AFG3L2: variants seen among roughly 807,000 people sequenced by gnomAD.
AFG3L2 encodes AFG3 like matrix AAA peptidase subunit 2, also known as mitochondrial inner membrane m-AAA protease component AFG3L2.
A neutral mutation model predicts 94.5 loss-of-function variants in AFG3L2; 54 were observed. The observed-to-expected ratio is 0.57, with a 90% CI of 0.46 to 0.72. The LOEUF is 0.72. Among genes scored for constraint, AFG3L2 ranks in the 30% least tolerant of loss-of-function variants. AFG3L2 has a pLI of 0.00. For missense variants in AFG3L2, 754 were observed against 994.9 expected, an observed-to-expected ratio of 0.76 and a Z score of 3.26; for synonymous variants, 377 against 365.5, an observed-to-expected ratio of 1.03 and a Z score of -0.36.
chr18:12,371,502 A>G (rs961818887), intron 2 of AFG3L2, 90 bp downstream of exon 2: 8 of 974,476 alleles, frequency 8.2e-6, no homozygotes, highest in South Asian at 3.9e-5. Flanking sequence ...GTAATCAGAC[A>G]TAAGTTGGAG....
chr18:12,366,921 T>C (rs1470408616), intron 5 of AFG3L2, 44 bp downstream of exon 5: 1 of 1,610,076 alleles, frequency 6.2e-7, no homozygotes, highest in East Asian at 2.2e-5. Context: ...CTGATGAATT[T>C]CACCTTTGAA....
chr18:12,331,797 G>GTAAATAAATAAATAAA (rs1315384530), intron 16 of AFG3L2, among the ~76,000 whole-genome samples: 1 of 88,466 alleles, frequency 1.1e-5, no homozygotes, highest in African/African-American at 4.0e-5. Flanking sequence ...CTGTCTAAAA[G>GTAAATAAATAAATAAA]TAAATAAATA....
intron 9 of AFG3L2, among the ~76,000 whole-genome samples, chr18:12,353,706 C>CTGTATA (rs1212772064): frequency 1.3e-5 from 2 of 152,094 alleles, no homozygotes; most frequent in Admixed American, 6.6e-5. Context: ...CCATAAATTA[C>CTGTATA]TGTATATGTA....
At chr18:12,373,614 G>GTTTAT (rs1202459903) in intron 1 of AFG3L2, among the ~76,000 whole-genome samples, 1 of 152,178 alleles carries the variant, frequency 6.6e-6, no homozygotes, top group Non-Finnish European at 1.5e-5. Flanking sequence ...ACAAAGAAAG[G>GTTTAT]TTTATTTAGC....
intron 16 of AFG3L2, among the ~76,000 whole-genome samples, chr18:12,332,123 A>T (rs1403770195): frequency 2.3e-5 from 3 of 131,708 alleles, no homozygotes; most frequent in Non-Finnish European, 3.1e-5. Context: ...TCATAAAATG[A>T]TTTTTTTTTT....
intron 16 of AFG3L2, 45 bp from the exon 17 acceptor site, chr18:12,329,828 T>C (rs910336231): frequency 6.6e-7 from 1 of 1,524,454 alleles, no homozygotes; most frequent in South Asian, 1.1e-5. Context: ...CTCAGCAAAG[T>C]CTATTCAGAA....
intron 9 of AFG3L2, among the ~76,000 whole-genome samples, chr18:12,354,100 A>C (rs61460703): frequency 0.99 from 141,322 of 143,166 alleles, 69,779 homozygotes; most frequent in East Asian, 1. Flanking sequence ...CTTCAAGGAG[A>C]ATCAGAGACA....
intron 13 of AFG3L2, among the ~76,000 whole-genome samples, chr18:12,346,160 C>G (rs1908128840): frequency 6.6e-6 from 1 of 151,918 alleles, no homozygotes; most frequent in Admixed American, 6.6e-5. Context: ...CCTCGCTTGT[C>G]TGCTGATGCA....
chr18:12,377,038 C>A lies in AFG3L2; in HGVS notation c.45G>T (p.Trp15Cys). ...CLRLWGRGGCWPRGLQQLLVP... is the reference protein window; with the variant it reads ...CLRLWGRGGCCPRGLQQLLVP... ...CGAGGAGCTGCTGTAGGCCGCGGGGCCAGCAGCCGCCCCGGCCCCACAGCC... is the reference window on the plus strand; with the variant it reads ...CGAGGAGCTGCTGTAGGCCGCGGGGACAGCAGCCGCCCCGGCCCCACAGCC... The change falls in exon 1 of 17, where the codon TGG (tryptophan) becomes TGT (cysteine). Residue 15 changes from tryptophan (W) to cysteine (C), a missense_variant. Transcript: ENST00000269143. 6.9e-7 allele frequency: 1 copy of A among 1,439,216 alleles called. No homozygotes were observed. The allele number at this position is 1,439,216 out of a possible 1,614,324, so 89.2% of individuals were successfully genotyped here.
At chr18:12,343,406 G>A (rs939753851) in intron 14 of AFG3L2, 2 of 152,406 alleles carry the variant, frequency 1.3e-5, no homozygotes, top group African/African-American at 4.8e-5. Flanking sequence ...TGCTTCAGGG[G>A]ACCCCCACAC....
intron 9 of AFG3L2, among the ~76,000 whole-genome samples, chr18:12,355,337 C>T (rs549234046): frequency 6.6e-6 from 1 of 152,006 alleles, no homozygotes; most frequent in African/African-American, 2.4e-5. Flanking sequence ...TAAGCATATA[C>T]AAGATGTTCA....
chr18:12,368,856 C>T (rs913501120), intron 3 of AFG3L2, among the ~76,000 whole-genome samples: 1 of 152,146 alleles, frequency 6.6e-6, no homozygotes, highest in Non-Finnish European at 1.5e-5. Context: ...CCGTTTCGGC[C>T]TCCCAAAGTG....
At chr18:12,372,751 ACAT>A (rs571907616) in intron 1 of AFG3L2, among the ~76,000 whole-genome samples, 2 of 152,366 alleles carry the variant, frequency 1.3e-5, no homozygotes, top group Non-Finnish European at 2.9e-5. Flanking sequence ...AACTCTGAAA[ACAT>A]CATATTAAGT....
intron 16 of AFG3L2, 129 bp from the exon 17 acceptor site, chr18:12,329,912 A>C (rs1014512948): frequency 1.3e-6 from 1 of 793,880 alleles, no homozygotes; most frequent in Non-Finnish European, 2.1e-6. Flanking sequence ...TGTCTCATAC[A>C]TAAGGTTGCA....
At chr18:12,354,511 C>T (rs909371466) in intron 9 of AFG3L2, among the ~76,000 whole-genome samples, 1 of 152,212 alleles carries the variant, frequency 6.6e-6, no homozygotes, top group Non-Finnish European at 1.5e-5. Flanking sequence ...TCTCCCCCAG[C>T]CTGACTGCCA....
In AFG3L2 at chr18:12,348,554, C is replaced by T. The variant is rs148211082; in HGVS notation, c.1553-171G>A. On this transcript the variant is annotated intron_variant, in intron 12 of 16. Transcript: ENST00000269143. The stretch of plus-strand genomic sequence containing the variant: ...TCATGATAACCCTAAGCTATTCTAG[C>T]GTTTAATGTAAGCCTGGTATAATTC... 2.6e-3 allele frequency among the ~76,000 whole-genome samples: 399 copies of T among 152,302 alleles called. 2 individuals are homozygous for T. Among genetic ancestry groups the T allele is most frequent in the African/African-American group, 9.2e-3 (382 of 41,566 alleles).
chr18:12,361,433 G>A (rs541928126), intron 6 of AFG3L2, among the ~76,000 whole-genome samples: 2 of 152,194 alleles, frequency 1.3e-5, no homozygotes, highest in African/African-American at 4.8e-5. Flanking sequence ...TGGATCACAA[G>A]GTCAGGAGCT....
intron 3 of AFG3L2, among the ~76,000 whole-genome samples, chr18:12,369,066 G>A (rs957144763): frequency 6.6e-6 from 1 of 152,020 alleles, no homozygotes; most frequent in Non-Finnish European, 1.5e-5. Flanking sequence ...CCTCTGTCTC[G>A]AGTGGAGTCT....
chr18:12,364,414 C>T (rs1256437136), intron 5 of AFG3L2, among the ~76,000 whole-genome samples: 1 of 152,180 alleles, frequency 6.6e-6, no homozygotes, highest in Non-Finnish European at 1.5e-5. Context: ...GGAAACACAC[C>T]TGTAGATAGA....
Sources: gnomAD v4.1 joint callset for allele counts (sites outside exome capture counted in the v4.1 genomes callset) on GRCh38, gnomAD v4.1.1 for gene constraint, MANE v1.5 for transcripts, NCBI Gene and HGNC (gene_info 2026-07-23, HGNC 2026-07-21) for gene names.